The following CTNNA3 variants were observed in gnomAD, a reference collection of about 807,000 sequenced individuals.
CTNNA3 encodes the protein catenin alpha-3.
CTNNA3 carries 76 observed loss-of-function variants against 95.7 expected under a neutral mutation model. The observed-to-expected ratio is 0.79, with a 90% CI of 0.66 to 0.96. CTNNA3 has a LOEUF of 0.96. CTNNA3 is among the 40% of genes least tolerant of loss of function. CTNNA3 has a pLI of 0.00. For missense variants in CTNNA3, 1,191 were observed against 1,089.8 expected (o/e 1.09, Z -1.31); for synonymous variants, 431 against 374.4 (o/e 1.15, Z -1.74).
intron 7 of CTNNA3, among the ~76,000 whole-genome samples, chr10:67,171,627 C>T (rs538700189): frequency 7.3e-5 from 11 of 151,658 alleles, no homozygotes; most frequent in South Asian, 2.1e-4. Context: ...TAGTGCACAC[C>T]CGTAGTCCCA....
At chr10:67,624,707 A>G (rs1843968189) in intron 2 of CTNNA3, among the ~76,000 whole-genome samples, 1 of 152,188 alleles carries the variant, frequency 6.6e-6, no homozygotes. Flanking sequence ...CTGCAGTCAA[A>G]GGAACACAGG....
intron 12 of CTNNA3, among the ~76,000 whole-genome samples, chr10:66,306,860 T>C (rs2091941642): frequency 6.6e-6 from 1 of 152,158 alleles, no homozygotes. Flanking sequence ...AAAAGAACAA[T>C]TATACTTCTA....
At chr10:66,228,211 A>C (rs945647809) in intron 13 of CTNNA3, among the ~76,000 whole-genome samples, 2 of 151,390 alleles carry the variant, frequency 1.3e-5, no homozygotes, top group African/African-American at 4.8e-5. Flanking sequence ...CTATCTACTA[A>C]GTTGGGTTTG....
intron 10 of CTNNA3, among the ~76,000 whole-genome samples, chr10:66,587,855 C>A (rs1007621275): frequency 6.6e-6 from 1 of 152,186 alleles, no homozygotes; most frequent in Non-Finnish European, 1.5e-5. Flanking sequence ...AGGCCGCACC[C>A]CTTCTGGTCT....
chr10:66,998,233 C>A (rs1467232336), intron 7 of CTNNA3, among the ~76,000 whole-genome samples: 2 of 152,172 alleles, frequency 1.3e-5, no homozygotes, highest in East Asian at 3.8e-4. Flanking sequence ...TGCTACAATT[C>A]TTTTTCTATA....
chr10:67,045,625 C>A (rs1008462118), intron 7 of CTNNA3, among the ~76,000 whole-genome samples: 66 of 152,324 alleles, frequency 4.3e-4, no homozygotes, highest in African/African-American at 1.5e-3. Context: ...TGCGGCCAGA[C>A]CCCGTTTCCC....
chr10:65,964,575 A>G (rs2077918295), intron 17 of CTNNA3, among the ~76,000 whole-genome samples: 2 of 152,152 alleles, frequency 1.3e-5, no homozygotes, highest in African/African-American at 4.8e-5. Flanking sequence ...GATAATTAAC[A>G]CCAATATATT....
intron 16 of CTNNA3, among the ~76,000 whole-genome samples, chr10:65,984,897 T>C (rs1342961173): frequency 2.0e-5 from 3 of 151,160 alleles, no homozygotes; most frequent in Admixed American, 2.0e-4. Flanking sequence ...AAGAAAACTG[T>C]GGGCATATAT....
intron 11 of CTNNA3, among the ~76,000 whole-genome samples, chr10:66,472,601 C>T (rs1839177006): frequency 6.6e-6 from 1 of 151,844 alleles, no homozygotes; most frequent in Non-Finnish European, 1.5e-5. Context: ...AAGTTCTCTA[C>T]AATAACAAAA....
chr10:66,991,045 A>G (rs1245426255), intron 7 of CTNNA3, among the ~76,000 whole-genome samples: 2 of 152,204 alleles, frequency 1.3e-5, no homozygotes, highest in Admixed American at 6.5e-5. Context: ...CTAGTGGTAC[A>G]AGTCTTACAA....
chr10:67,558,719 G>A (rs913449772), intron 3 of CTNNA3, among the ~76,000 whole-genome samples: 1 of 152,244 alleles, frequency 6.6e-6, no homozygotes, highest in Non-Finnish European at 1.5e-5. Flanking sequence ...GGGTCAGGGA[G>A]TTCCCTTTCC....
intron 2 of CTNNA3, among the ~76,000 whole-genome samples, chr10:67,625,041 C>A (rs1843985316): frequency 6.6e-6 from 1 of 152,128 alleles, no homozygotes; most frequent in Non-Finnish European, 1.5e-5. Context: ...GGAGCCCTAT[C>A]TCTTGGTCTC....
At chr10:67,626,864 T>A (rs1399733403) in intron 2 of CTNNA3, among the ~76,000 whole-genome samples, 1 of 152,228 alleles carries the variant, frequency 6.6e-6, no homozygotes, top group Admixed American at 6.5e-5. Flanking sequence ...TCATAAATTA[T>A]ATAACTAGCC....
chr10:67,538,157 T>TAAAAAAAAAAAAAAAAAAAAAAAAAA (rs1176919938), intron 4 of CTNNA3, among the ~76,000 whole-genome samples: 2 of 59,176 alleles, frequency 3.4e-5, no homozygotes, highest in African/African-American at 1.5e-4. Flanking sequence ...CTACTTAAAC[T>TAAAAAAAAAAAAAAAAAAAAAAAAAA]AAAAAAAAAA....
At chr10:66,818,094 C>CA (rs5785790) in intron 7 of CTNNA3, among the ~76,000 whole-genome samples, 2,799 of 144,054 alleles carry the variant, frequency 0.019, 70 homozygotes, top group African/African-American at 0.062. Flanking sequence ...TATTATTAAC[C>CA]AAAAAAAAAA....
At chr10:67,231,983 C>T (rs910415365) in intron 5 of CTNNA3, among the ~76,000 whole-genome samples, 1 of 152,152 alleles carries the variant, frequency 6.6e-6, no homozygotes, top group Admixed American at 6.5e-5. Context: ...AAGAAACGAG[C>T]AAAGCCTCCA....
chr10:66,015,105 AAATAAT>A (rs374364944), intron 15 of CTNNA3, among the ~76,000 whole-genome samples: 1 of 150,076 alleles, frequency 6.7e-6, no homozygotes, highest in African/African-American at 2.4e-5. Flanking sequence ...CTGTCTCAAA[AAATAAT>A]AATAATAATA....
At chr10:67,736,518 C>T (rs1231584379) in intron 1 of CTNNA3, among the ~76,000 whole-genome samples, 2 of 144,118 alleles carry the variant, frequency 1.4e-5, no homozygotes, top group African/African-American at 2.6e-5. Flanking sequence ...TGCAGTGGCA[C>T]GTTCTCGGCT....
chr10:66,070,332 T>C (rs1043755256), intron 14 of CTNNA3, among the ~76,000 whole-genome samples: 1 of 152,134 alleles, frequency 6.6e-6, no homozygotes, highest in East Asian at 1.9e-4. Context: ...TGAAAAGTAA[T>C]ATGCAAGCAC....
Sources: gnomAD v4.1 joint callset for allele counts (sites outside exome capture counted in the v4.1 genomes callset) on GRCh38, gnomAD v4.1.1 for gene constraint, MANE v1.5 for transcripts, NCBI Gene and HGNC (gene_info 2026-07-23, HGNC 2026-07-21) for gene names.